Variants in UPRT observed in about 807,000 individuals in gnomAD.
UPRT encodes the protein uracil phosphoribosyltransferase homolog.
UPRT carries 5 observed loss-of-function variants against 22.6 expected under a neutral mutation model. The ratio of observed to expected loss-of-function variants is 0.22; its 90% CI spans 0.12 to 0.47. The LOEUF is 0.47. Ranked by LOEUF, UPRT falls within the 20% of genes least tolerant of loss-of-function variation. The pLI, the probability that UPRT is intolerant of heterozygous loss-of-function variation, is 0.99. For missense variants in UPRT, 181 were observed against 239.9 expected, an observed-to-expected ratio of 0.75 and a Z score of 1.62; for synonymous variants, 77 against 87.7, an observed-to-expected ratio of 0.88 and a Z score of 0.68.
chrX:75,202,798 T>C (rs2082350625), intron 4 of UPRT: 1 of 111,781 alleles, frequency 8.9e-6, no homozygotes, highest in Admixed American at 9.5e-5. Flanking sequence ...TTGTGAAGCA[T>C]TCCATATTTT....
intron 4 of UPRT, among the ~76,000 whole-genome samples, chrX:75,189,069 A>T (rs1030976028): frequency 9.0e-6 from 1 of 111,623 alleles, no homozygotes; most frequent in Non-Finnish European, 1.9e-5. Flanking sequence ...TTTATTTGTG[A>T]TGTTAGGTTG....
intron 4 of UPRT, among the ~76,000 whole-genome samples, chrX:75,251,674 G>A (rs1444824411): frequency 1.8e-5 from 2 of 111,538 alleles, no homozygotes; most frequent in African/African-American, 3.3e-5. Flanking sequence ...TCCCCATTAA[G>A]CTACCAATGA....
At chrX:75,253,085 T>C (rs891763703) in intron 4 of UPRT, among the ~76,000 whole-genome samples, 3 of 110,978 alleles carry the variant, frequency 2.7e-5, no homozygotes, top group African/African-American at 9.9e-5. Context: ...GAGATATACC[T>C]AATGCTAAAT....
At chrX:75,203,621 C>T (rs2147624255) in intron 4 of UPRT, among the ~76,000 whole-genome samples, 1 of 110,770 alleles carries the variant, frequency 9.0e-6, no homozygotes, top group Non-Finnish European at 1.9e-5. Context: ...ATGCCAGTGC[C>T]ACCACTGTTT....
chrX:75,251,284 A>G (rs1410012412), intron 4 of UPRT, among the ~76,000 whole-genome samples: 3 of 111,789 alleles, frequency 2.7e-5, no homozygotes, highest in African/African-American at 9.8e-5. Flanking sequence ...CCCTGTTTGC[A>G]GATGACATGA....
chrX:75,242,566 G>A (rs1192674624), intron 4 of UPRT, among the ~76,000 whole-genome samples: 2 of 110,248 alleles, frequency 1.8e-5, no homozygotes, highest in Admixed American at 2.0e-4. Flanking sequence ...ATCAAACTTA[G>A]TTTCCATTGT....
At chrX:75,187,590 T>C (rs1457190392) in intron 4 of UPRT, among the ~76,000 whole-genome samples, 1 of 112,084 alleles carries the variant, frequency 8.9e-6, no homozygotes, top group Non-Finnish European at 1.9e-5. Flanking sequence ...ATTGGGGAAG[T>C]TCTCCCGAAT....
intron 4 of UPRT, among the ~76,000 whole-genome samples, chrX:75,298,388 T>C (rs1041098392): frequency 4.5e-5 from 5 of 111,667 alleles, no homozygotes; most frequent in African/African-American, 1.3e-4. Flanking sequence ...GCTGGTCTTA[T>C]GAATGTTGTA....
At chrX:75,233,682 A>G (rs989075807) in intron 4 of UPRT, among the ~76,000 whole-genome samples, 15 of 111,392 alleles carry the variant, frequency 1.3e-4, no homozygotes, top group African/African-American at 4.9e-4. Context: ...TATCCAGCCA[A>G]ACAAACTTCA....
At chrX:75,248,970 G>C (rs1480786179) in intron 4 of UPRT, among the ~76,000 whole-genome samples, 4 of 111,385 alleles carry the variant, frequency 3.6e-5, no homozygotes, top group Non-Finnish European at 7.5e-5. Context: ...AGCTTCATAA[G>C]TGAAGGAGAA....
chrX:75,233,853 G>A (rs760451523), intron 4 of UPRT, among the ~76,000 whole-genome samples: 25 of 110,262 alleles, frequency 2.3e-4, no homozygotes, highest in East Asian at 1.4e-3. Context: ...AAAGACCATC[G>A]AGACTAGGAA....
rs573021958 is a variant in UPRT at position 75,173,337 on chromosome X, A to G, written c.-447+5458A>G. ...CAGAGCAGCTAGATACAGAGTGTCA[A>G]TTGGTGTATTTACAATCCTTGAGCT... On this transcript the variant is annotated intron_variant, in intron 4 of 13. Coordinates refer to the UPRT transcript ENST00000652605. 1.1e-3 allele frequency among the ~76,000 whole-genome samples: 119 copies of G among 110,377 alleles called. No homozygotes were observed. The South Asian group carries it at 0.031, about 29-fold the overall frequency.
At chrX:75,223,539 C>G (rs2082415838) in intron 4 of UPRT, among the ~76,000 whole-genome samples, 1 of 111,244 alleles carries the variant, frequency 9.0e-6, no homozygotes, top group Non-Finnish European at 1.9e-5. Flanking sequence ...ATTGGTGATT[C>G]CATTCTGGCT....
intron 4 of UPRT, among the ~76,000 whole-genome samples, chrX:75,176,460 C>A (rs2082247069): frequency 9.0e-6 from 1 of 111,718 alleles, no homozygotes; most frequent in African/African-American, 3.3e-5. Flanking sequence ...TGTAGGACAT[C>A]TATGTACCTA....
At chrX:75,229,557 AG>A (rs1310581753) in intron 4 of UPRT, among the ~76,000 whole-genome samples, 10 of 112,001 alleles carry the variant, frequency 8.9e-5, no homozygotes, top group African/African-American at 3.2e-4. Context: ...AAAGTGTGAG[AG>A]GGGAAAAAGT....
At chrX:75,193,895 A>C (rs2082324588) in intron 4 of UPRT, among the ~76,000 whole-genome samples, 1 of 111,277 alleles carries the variant, frequency 9.0e-6, no homozygotes. Flanking sequence ...TTAGGTTTTG[A>C]CTTTCTCTCC....
At chrX:75,218,220 G>A (rs1199068419) in intron 4 of UPRT, among the ~76,000 whole-genome samples, 1 of 111,051 alleles carries the variant, frequency 9.0e-6, no homozygotes, top group East Asian at 2.8e-4. Context: ...ATCAAAAAGT[G>A]GGTGAAGGAC....
chrX:75,176,652 C>T (rs1354235063), intron 4 of UPRT, among the ~76,000 whole-genome samples: 3 of 110,543 alleles, frequency 2.7e-5, no homozygotes, highest in African/African-American at 6.6e-5. Flanking sequence ...TCCTTTTGGG[C>T]AGGGGAGATT....
At chrX:75,246,850 T>C (rs976262851) in intron 4 of UPRT, among the ~76,000 whole-genome samples, 7 of 111,463 alleles carry the variant, frequency 6.3e-5, no homozygotes, top group African/African-American at 2.3e-4. Context: ...TCTCTGATGA[T>C]CAGTGATGAT....
Sources: gnomAD v4.1 joint callset for allele counts (sites outside exome capture counted in the v4.1 genomes callset) on GRCh38, gnomAD v4.1.1 for gene constraint, MANE v1.5 for transcripts, NCBI Gene and HGNC (gene_info 2026-07-23, HGNC 2026-07-21) for gene names.